The following TG variants were observed in gnomAD, a reference collection of about 807,000 sequenced individuals.
TG encodes the protein thyroid hormones.
Under a neutral mutation model 324.7 loss-of-function variants are expected in TG, and 270 were observed. The ratio of observed to expected loss-of-function variants is 0.83; its 90% CI spans 0.75 to 0.92. The LOEUF (loss-of-function observed/expected upper bound fraction) is 0.92. Among genes scored for constraint, TG ranks in the 40% least tolerant of loss-of-function variants. TG has a pLI of 0.00. For missense variants in TG, 3,591 were observed against 3,456.4 expected (o/e 1.04, Z -0.98); for synonymous variants, 1,401 against 1,327.0 (o/e 1.06, Z -1.21).
intron 35 of TG, among the ~76,000 whole-genome samples, chr8:133,011,019 T>A (rs1834458840): frequency 6.6e-6 from 1 of 152,114 alleles, no homozygotes; most frequent in South Asian, 2.1e-4. Flanking sequence ...AAGGAAGACG[T>A]CTTAGCTGGG....
chr8:132,972,124 T>C (rs1041211436), intron 33 of TG: 1 of 523,886 alleles, frequency 1.9e-6, no homozygotes, highest in Admixed American at 3.1e-5. Flanking sequence ...GGCTTGGATA[T>C]CTTTTGTTCA....
intron 27 of TG, among the ~76,000 whole-genome samples, chr8:132,957,374 CAG>C (rs888029252): frequency 5.9e-5 from 9 of 152,148 alleles, no homozygotes; most frequent in African/African-American, 1.4e-4. Flanking sequence ...TTGAGATGGA[CAG>C]AGTGTATAAG....
chr8:133,131,394 A>G (rs1460447930), intron 45 of TG, among the ~76,000 whole-genome samples: 1 of 152,254 alleles, frequency 6.6e-6, no homozygotes, highest in Non-Finnish European at 1.5e-5. Flanking sequence ...TGAGTTGTAT[A>G]TGAACACAGG....
intron 35 of TG, among the ~76,000 whole-genome samples, chr8:132,999,150 G>A (rs56171639): frequency 0.16 from 23,885 of 152,038 alleles, 2,333 homozygotes; most frequent in Middle Eastern, 0.31. Context: ...TCAGGGGGTA[G>A]CAGTGCAACA....
At chr8:132,869,989 A>T (rs1020049375) in intron 3 of TG, among the ~76,000 whole-genome samples, 163 bp downstream of exon 3, 1 of 152,112 alleles carries the variant, frequency 6.6e-6, no homozygotes, top group Non-Finnish European at 1.5e-5. Flanking sequence ...GGAAGGCCCT[A>T]TTTCCTGCAG....
chr8:133,097,215 T>C (rs941008004), intron 43 of TG, among the ~76,000 whole-genome samples: 5 of 152,250 alleles, frequency 3.3e-5, no homozygotes, highest in Non-Finnish European at 5.9e-5. Flanking sequence ...TATTAAATCA[T>C]GAAAGCAACC....
chr8:132,929,791 A>G (rs1407531140), intron 23 of TG, among the ~76,000 whole-genome samples: 1 of 152,194 alleles, frequency 6.6e-6, no homozygotes, highest in Non-Finnish European at 1.5e-5. Flanking sequence ...CAATTCATCC[A>G]TGTAACTCAA....
At chr8:132,911,581 G>A (rs1819536211) in intron 19 of TG, 48 bp downstream of exon 19, 2 of 1,533,486 alleles carry the variant, frequency 1.3e-6, no homozygotes, top group Non-Finnish European at 9.0e-7. Context: ...CAGCCTCTCT[G>A]AGTCTCAGTT....
intron 41 of TG, chr8:133,059,099 C>T (rs1309135294): frequency 4.4e-6 from 2 of 456,334 alleles, no homozygotes; most frequent in Admixed American, 4.7e-5. Flanking sequence ...GTCCACTTCC[C>T]TGTCAGGCTC....
At chr8:133,053,843 A>T (rs765549933) in intron 41 of TG, among the ~76,000 whole-genome samples, 34 of 152,204 alleles carry the variant, frequency 2.2e-4, no homozygotes, top group African/African-American at 8.0e-4. Context: ...CGTAATAGTG[A>T]TGTTTTGATA....
In TG at chr8:132,886,654, G is replaced by A; in HGVS notation, c.1282G>A (p.Gly428Arg). The A allele has an allele frequency of 6.2e-7, 1 of 1,614,180 alleles. No homozygotes were observed. Among genetic ancestry groups the A allele is most frequent in the Non-Finnish European group, 8.5e-7 (1 of 1,180,036 alleles). Residue 428 changes from glycine to arginine, a missense_variant, in exon 9 of 48, where the codon GGA becomes AGA. Physicochemically the swap from Gly to Arg is moderately radical, Grantham distance 125 (BLOSUM62 -2). Transcript: ENST00000220616. The part of the protein sequence containing the change: ...DSGLLRPMVE[G>R]QSQQFSVSEN... ...TGGGCTTCTCCGCCCAATGGTGGAGGGACAGAGCCAACAGTTTTCTGTCTC... is the reference window on the plus strand; with the variant it reads ...TGGGCTTCTCCGCCCAATGGTGGAGAGACAGAGCCAACAGTTTTCTGTCTC...
At chr8:133,039,951 A>T (rs906994352) in intron 41 of TG, 126 of 1,480,020 alleles carry the variant, frequency 8.5e-5, no homozygotes, top group Non-Finnish European at 1.1e-4. Context: ...GAGCACTTGC[A>T]TGCACACACA....
chr8:133,064,421 T>A (rs535795838), intron 41 of TG, among the ~76,000 whole-genome samples: 2 of 152,356 alleles, frequency 1.3e-5, no homozygotes, highest in East Asian at 3.9e-4. Flanking sequence ...ATTGTTGTAT[T>A]TAATCTTACA....
intron 41 of TG, among the ~76,000 whole-genome samples, chr8:133,053,781 G>T (rs1445988128): frequency 6.6e-6 from 1 of 152,218 alleles, no homozygotes; most frequent in African/African-American, 2.4e-5. Context: ...GGCTTAGAGT[G>T]TTGGAGAGTT....
chr8:132,960,832 T>C (rs536703224), intron 27 of TG, among the ~76,000 whole-genome samples, 176 bp from the exon 28 acceptor site: 1 of 152,282 alleles, frequency 6.6e-6, no homozygotes, highest in South Asian at 2.1e-4. Flanking sequence ...GCTCTGGTTT[T>C]GTACTAGGGA....
At chr8:133,017,139 C>T (rs1241580222) in intron 37 of TG, among the ~76,000 whole-genome samples, 4 of 152,182 alleles carry the variant, frequency 2.6e-5, no homozygotes, top group Non-Finnish European at 5.9e-5. Context: ...CACCCTATAT[C>T]ACCTGTGATC....
intron 41 of TG, among the ~76,000 whole-genome samples, chr8:133,042,746 T>C (rs1017556129): frequency 1.6e-5 from 2 of 126,746 alleles, no homozygotes; most frequent in Non-Finnish European, 3.1e-5. Context: ...CAAGCTGGAG[T>C]ACAGCAGCAC....
Position 132,887,507 on chromosome 8 carries a change from C to A in TG, c.2135C>A (p.Ala712Asp). The A allele has an allele frequency of 6.2e-7, 1 of 1,614,160 alleles. No homozygotes were observed. Among genetic ancestry groups the A allele is most frequent in the Non-Finnish European group, 8.5e-7 (1 of 1,180,032 alleles). Residue 712 changes from alanine to aspartate, a missense_variant, in exon 9 of 48, where the codon GCC (alanine) becomes GAC (aspartate). Transcript: ENST00000220616. ...TACTGTGTTGATGCTGAGGGTCAGG[C>A]CATTCCTGGAACTCGAAGTGCAATA... ...ECYCVDAEGQ[A>D]IPGTRSAIGK... is the part of the protein sequence containing the mutation.
At chr8:132,904,550 C>G (rs1014470960) in intron 16 of TG, among the ~76,000 whole-genome samples, 11 of 152,184 alleles carry the variant, frequency 7.2e-5, no homozygotes, top group Admixed American at 6.5e-5. Context: ...AGGGTTGTTC[C>G]ATAGCCAGGG....
Sources: allele counts gnomAD v4.1 joint callset (sites outside exome capture counted in the v4.1 genomes callset), GRCh38; gene constraint gnomAD v4.1.1; transcripts MANE v1.5; gene names NCBI Gene and HGNC (gene_info 2026-07-23, HGNC 2026-07-21).